ATF6: variants seen among roughly 807,000 people sequenced by gnomAD.
ATF6 encodes the protein activating transcription factor 6.
Under a neutral mutation model 83.6 loss-of-function variants are expected in ATF6, and 53 were observed. The observed-to-expected ratio is 0.63, with a 90% CI of 0.51 to 0.80. ATF6 has a LOEUF of 0.80. Ranked by LOEUF, ATF6 falls within the 30% of genes least tolerant of loss-of-function variation. The probability of loss-of-function intolerance (pLI) is 0.00; values close to 1 mark genes in which losing one functional copy is unlikely to be tolerated. For synonymous variants in ATF6, 288 were observed against 285.8 expected (o/e 1.01, Z -0.08); for missense variants, 744 against 797.9 (o/e 0.93, Z 0.81).
At chr1:161,767,262 G>T (rs1313761866) in intron 1 of ATF6, among the ~76,000 whole-genome samples, 1 of 152,116 alleles carries the variant, frequency 6.6e-6, no homozygotes, top group Non-Finnish European at 1.5e-5. Flanking sequence ...CCTTGGAACT[G>T]GGGGGAACCC....
chr1:161,817,825 CG>C (rs550834794), intron 7 of ATF6, among the ~76,000 whole-genome samples: 108 of 152,096 alleles, frequency 7.1e-4, no homozygotes, highest in African/African-American at 2.5e-3. Flanking sequence ...CAGGCTGGCA[CG>C]GTGGCTCACA....
Position 161,937,709 on chromosome 1 carries a change from G to A in ATF6, c.1805-20737G>A, listed in dbSNP as rs573620653. Among the ~76,000 whole-genome samples, 30 of 151,846 alleles carry A rather than the reference G, an allele frequency of 2.0e-4. No homozygotes were observed. The East Asian group carries it at 4.1e-3, about 21-fold the overall frequency. ...GAACAATGAGAACACACGGACACAG[G>A]GAGGGGAACATCACACATCGGGGCC... On this transcript the variant is annotated intron_variant, in intron 15 of 15. Transcript: ENST00000367942.
chr1:161,915,663 G>T (rs1688083189), intron 15 of ATF6, among the ~76,000 whole-genome samples: 1 of 148,882 alleles, frequency 6.7e-6, no homozygotes, highest in Non-Finnish European at 1.5e-5. Context: ...TCATTCTGTT[G>T]CCCAGGCTGG....
intron 7 of ATF6, among the ~76,000 whole-genome samples, chr1:161,808,919 T>A (rs564244585): frequency 1.6e-4 from 25 of 152,330 alleles, no homozygotes; most frequent in African/African-American, 5.5e-4. Flanking sequence ...CATAGTAACC[T>A]ACTTCATAGG....
At position 161,772,331 on chromosome 1, in the gene ATF6, A is replaced by G. The variant is rs77575102; in HGVS notation, c.82+5889A>G. 9.8e-3 allele frequency among the ~76,000 whole-genome samples: 1,488 copies of G among 152,264 alleles called. 27 individuals are homozygous for G. The highest frequency in any genetic ancestry group is 0.034 in the African/African-American group (1,423 of 41,542). On this transcript the variant is annotated intron_variant, in intron 1 of 15. Coordinates refer to ENST00000367942, the MANE Select transcript of ATF6 (RefSeq NM_007348.4). ...TGAATCAGCTGAAGAAAACACTTCAACTGTCCTGACTGGTCTCAATTTAAG... is the reference window on the plus strand; with the variant it reads ...TGAATCAGCTGAAGAAAACACTTCAGCTGTCCTGACTGGTCTCAATTTAAG...
chr1:161,887,763 G>C (rs1194827011), intron 14 of ATF6, among the ~76,000 whole-genome samples: 2 of 152,134 alleles, frequency 1.3e-5, no homozygotes, highest in African/African-American at 2.4e-5. Flanking sequence ...ACATATAAAA[G>C]GATAAATCAA....
chr1:161,768,416 CTTTAA>C (rs1378064177), intron 1 of ATF6, among the ~76,000 whole-genome samples: 1 of 152,118 alleles, frequency 6.6e-6, no homozygotes, highest in East Asian at 1.9e-4. Context: ...TCTTTGAAGA[CTTTAA>C]TTTAATTCCT....
At chr1:161,816,002 C>A (rs1382177314) in intron 7 of ATF6, among the ~76,000 whole-genome samples, 2 of 152,198 alleles carry the variant, frequency 1.3e-5, no homozygotes, top group Non-Finnish European at 2.9e-5. Flanking sequence ...TTGACTCTTA[C>A]ATTGATTCAA....
intron 7 of ATF6, among the ~76,000 whole-genome samples, chr1:161,814,887 T>TA (rs1433554684): frequency 3.9e-5 from 6 of 152,354 alleles, no homozygotes; most frequent in African/African-American, 1.2e-4. Flanking sequence ...AATGTATCTA[T>TA]AAATATGTTT....
intron 6 of ATF6, among the ~76,000 whole-genome samples, chr1:161,796,923 G>GT (rs112975555): frequency 0.11 from 16,250 of 144,852 alleles, 1,388 homozygotes; most frequent in East Asian, 0.32. Flanking sequence ...TTGTTTTTTG[G>GT]TTTTTTTTTT....
rs1435022093 is a variant in ATF6, at chr1:161,802,169, T to C, written c.806T>C (p.Val269Ala). The C allele has an allele frequency of 6.2e-7, 1 of 1,614,050 alleles. No individual in the cohort carries two copies. The highest frequency in any genetic ancestry group is 1.3e-5 in the African/African-American group (1 of 75,022). ...GGAGTCACACAGCTCCCTAATCACG[T>C]GGTGAATGTGGTACCAGCCCCTTCA... ...AGGVTQLPNH[V>A]VNVVPAPSAN... is the part of the protein sequence containing the mutation. The change falls in exon 7 of 16, where the codon GTG becomes GCG. Residue 269 changes from valine (V) to alanine (A), a missense_variant. By Grantham distance (64) the Val-to-Ala change is moderately conservative (BLOSUM62 0). Transcript: ENST00000367942.
chr1:161,876,332 T>A (rs1301201881), intron 14 of ATF6, among the ~76,000 whole-genome samples: 1 of 152,070 alleles, frequency 6.6e-6, no homozygotes, highest in Non-Finnish European at 1.5e-5. Flanking sequence ...AACATATGGT[T>A]GGAAAGTGTC....
intron 14 of ATF6, among the ~76,000 whole-genome samples, chr1:161,886,536 A>G (rs555040499): frequency 1.6e-4 from 25 of 152,294 alleles, no homozygotes; most frequent in Admixed American, 1.4e-3. Flanking sequence ...TTATTTTTTC[A>G]TATGGAAAAC....
chr1:161,865,879 A>G (rs562980063), intron 14 of ATF6, among the ~76,000 whole-genome samples: 1 of 152,276 alleles, frequency 6.6e-6, no homozygotes, highest in South Asian at 2.1e-4. Context: ...AAACTATGTT[A>G]TGGGACAGGA....
chr1:161,875,748 G>A (rs564103261), intron 14 of ATF6, among the ~76,000 whole-genome samples: 2 of 151,946 alleles, frequency 1.3e-5, no homozygotes, highest in East Asian at 1.9e-4. Context: ...AGCTAGTGCA[G>A]CTCACAACTC....
At chr1:161,781,186 T>C (rs1684628537) in intron 2 of ATF6, among the ~76,000 whole-genome samples, 1 of 152,228 alleles carries the variant, frequency 6.6e-6, no homozygotes, top group African/African-American at 2.4e-5. Context: ...GTTATCTGGA[T>C]GACCCAGAAT....
rs193197775 is a variant in ATF6 at position 161,854,923 on chromosome 1, G to A, written c.1533+1600G>A. Among the ~76,000 whole-genome samples, 6 of 152,138 alleles carry A rather than the reference G, an allele frequency of 3.9e-5. No individual in the cohort carries two copies. The East Asian group carries it at 7.7e-4, about 20-fold the overall frequency. On this transcript the variant is annotated intron_variant, in intron 12 of 15. Coordinates refer to ENST00000367942, the MANE Select transcript of ATF6 (RefSeq NM_007348.4). Reference sequence around the variant, plus strand: ...CTGGAGAAAGAGCTTCCAGACAGAGGGAACAGCAAATGTAAAGACCCTCAG... The same window carrying A: ...CTGGAGAAAGAGCTTCCAGACAGAGAGAACAGCAAATGTAAAGACCCTCAG...
intron 9 of ATF6, chr1:161,839,998 G>C (rs941936817): frequency 3.9e-5 from 6 of 152,154 alleles, no homozygotes; most frequent in Non-Finnish European, 7.3e-5. Flanking sequence ...TTTGAGCAGA[G>C]GTGACATAAT....
At chr1:161,950,761 CT>C in intron 15 of ATF6, among the ~76,000 whole-genome samples, 1 of 152,296 alleles carries the variant, frequency 6.6e-6, no homozygotes, top group East Asian at 1.9e-4. Context: ...CTGAAGTTCA[CT>C]TGTTTTCTGT....
Sources: gnomAD v4.1 joint callset for allele counts (sites outside exome capture counted in the v4.1 genomes callset) on GRCh38, gnomAD v4.1.1 for gene constraint, MANE v1.5 for transcripts, NCBI Gene and HGNC (gene_info 2026-07-23, HGNC 2026-07-21) for gene names.